The following TBL1X variants were observed in gnomAD, a reference collection of about 807,000 sequenced individuals.
TBL1X encodes F-box-like/WD repeat-containing protein TBL1X.
A neutral mutation model predicts 50.7 loss-of-function variants in TBL1X; 10 were observed. The observed-to-expected ratio is 0.20, with a 90% CI of 0.12 to 0.33. The LOEUF (loss-of-function observed/expected upper bound fraction) is 0.33, where lower values mean the gene tolerates loss of function less well. Ranked by LOEUF, TBL1X falls within the 10% of genes least tolerant of loss-of-function variation. The pLI is 1.00. For synonymous variants in TBL1X, 190 were observed against 214.7 expected, an observed-to-expected ratio of 0.88 and a Z score of 1.01; for missense variants, 340 against 504.4, an observed-to-expected ratio of 0.67 and a Z score of 3.12.
chrX:9,605,145 C>A (rs1313276549), intron 2 of TBL1X, among the ~76,000 whole-genome samples: 1 of 110,198 alleles, frequency 9.1e-6, no homozygotes, highest in Non-Finnish European at 1.9e-5. Context: ...GGTGACATGA[C>A]ACAGGGCCAC....
chrX:9,715,290 A>G (rs1238491402), intron 17 of TBL1X, among the ~76,000 whole-genome samples: 1 of 112,402 alleles, frequency 8.9e-6, no homozygotes, highest in Admixed American at 9.4e-5. Flanking sequence ...GAGCCATTTT[A>G]GGTTGTCACT....
intron 2 of TBL1X, among the ~76,000 whole-genome samples, chrX:9,512,116 C>T (rs2082058950): frequency 1.8e-5 from 2 of 111,554 alleles, no homozygotes; most frequent in Non-Finnish European, 3.8e-5. Flanking sequence ...GCCTCAGCCT[C>T]CCAAAGTGTT....
chrX:9,611,170 G>T (rs1421254459), intron 2 of TBL1X, among the ~76,000 whole-genome samples: 1 of 111,946 alleles, frequency 8.9e-6, no homozygotes, highest in Admixed American at 9.4e-5. Context: ...CTTTCAGAAG[G>T]TGGCTCCAGG....
intron 5 of TBL1X, among the ~76,000 whole-genome samples, chrX:9,664,514 T>A (rs1179392362): frequency 1.8e-5 from 2 of 110,605 alleles, no homozygotes; most frequent in African/African-American, 6.6e-5. Context: ...GGACATTGCT[T>A]GAATGTTTGC....
At chrX:9,606,134 G>A (rs904577824) in intron 2 of TBL1X, among the ~76,000 whole-genome samples, 19 of 111,542 alleles carry the variant, frequency 1.7e-4, no homozygotes, top group Non-Finnish European at 2.1e-4. Context: ...GCTCCCTTAG[G>A]GTGTGGCTGC....
intron 3 of TBL1X, among the ~76,000 whole-genome samples, chrX:9,643,646 G>A (rs2082787623): frequency 9.0e-6 from 1 of 111,633 alleles, no homozygotes; most frequent in African/African-American, 3.3e-5. Flanking sequence ...GAGGCCGGAA[G>A]TTTGAGACCA....
intron 2 of TBL1X, among the ~76,000 whole-genome samples, chrX:9,535,828 G>A (rs1174686714): frequency 8.9e-6 from 1 of 112,186 alleles, no homozygotes. Context: ...TGCATACGAG[G>A]AACAGAGTGA....
In TBL1X at chrX:9,709,750, A is replaced by T. The variant is rs762201515; in HGVS notation, c.1429A>T (p.Met477Leu). The change falls in exon 15 of 18, where the codon ATG becomes TTG. Residue 477 changes from methionine (M) to leucine (L), a missense_variant. Met to Leu is a conservative substitution (Grantham distance 15). Coordinates refer to ENST00000645353, the MANE Select transcript of TBL1X (RefSeq NM_005647.4). Reference protein sequence around the residue: ...PATSNPNSNIMLASASFDSTV... With the variant: ...PATSNPNSNILLASASFDSTV... ...CACCAGCAACCCAAACTCCAACATC[A>T]TGTTGGCAAGGTAAGGGCAGGCAAC... is the stretch of plus-strand genomic sequence containing the variant. 17 of 1,209,235 alleles carry T rather than the reference A, an allele frequency of 1.4e-5. No homozygotes were observed. The highest frequency in any genetic ancestry group is 1.2e-5 in the Non-Finnish European group (11 of 894,139).
chrX:9,520,101 A>T (rs1389178497), intron 2 of TBL1X, among the ~76,000 whole-genome samples: 3 of 111,653 alleles, frequency 2.7e-5, no homozygotes, highest in Non-Finnish European at 5.6e-5. Context: ...TCGTCATTGA[A>T]CGATTTCATC....
chrX:9,634,817 C>T (rs2082737913), intron 2 of TBL1X, among the ~76,000 whole-genome samples: 1 of 111,734 alleles, frequency 8.9e-6, no homozygotes, highest in Admixed American at 9.5e-5. Flanking sequence ...AAACTCCAGT[C>T]GATTGGCTTC....
At chrX:9,620,898 C>T (rs1398448505) in intron 2 of TBL1X, among the ~76,000 whole-genome samples, 2 of 112,089 alleles carry the variant, frequency 1.8e-5, no homozygotes, top group African/African-American at 6.5e-5. Context: ...CCTCACCTTC[C>T]ACTAGCATAG....
intron 2 of TBL1X, among the ~76,000 whole-genome samples, chrX:9,524,421 A>G (rs1180169662): frequency 9.0e-6 from 1 of 111,389 alleles, no homozygotes; most frequent in Non-Finnish European, 1.9e-5. Context: ...CACCCACCCA[A>G]CTTTCTGTTT....
At chrX:9,518,068 C>A (rs1306752837) in intron 2 of TBL1X, among the ~76,000 whole-genome samples, 1 of 102,431 alleles carries the variant, frequency 9.8e-6, no homozygotes, top group Non-Finnish European at 2.0e-5. Context: ...CAATGCACTC[C>A]AGCCTGGGCA....
intron 1 of TBL1X, among the ~76,000 whole-genome samples, chrX:9,470,101 T>A (rs1474485445): frequency 1.8e-5 from 2 of 112,360 alleles, no homozygotes. Context: ...CTTTTTAAAA[T>A]TTTTTAAAAA....
At chrX:9,657,881 A>G (rs980814440) in intron 5 of TBL1X, among the ~76,000 whole-genome samples, 9 of 112,443 alleles carry the variant, frequency 8.0e-5, no homozygotes, top group Admixed American at 1.9e-4. Context: ...GCATGAGTTC[A>G]GCAGTCTGGC....
At chrX:9,500,464 C>T (rs1252397046) in intron 1 of TBL1X, among the ~76,000 whole-genome samples, 2 of 109,838 alleles carry the variant, frequency 1.8e-5, no homozygotes, top group Admixed American at 9.7e-5. Flanking sequence ...GATGTGGTGG[C>T]GGGTTCCTGT....
At chrX:9,667,610 G>A (rs1294178745) in intron 5 of TBL1X, among the ~76,000 whole-genome samples, 2 of 112,079 alleles carry the variant, frequency 1.8e-5, no homozygotes, top group African/African-American at 6.5e-5. Context: ...CAAATGCAAA[G>A]GTGAAATTTT....
intron 2 of TBL1X, among the ~76,000 whole-genome samples, chrX:9,590,383 A>G (rs927457580): frequency 7.7e-5 from 7 of 91,296 alleles, no homozygotes; most frequent in Non-Finnish European, 1.3e-4. Flanking sequence ...TAAAAAAGTC[A>G]GATGAAAACA....
chrX:9,482,132 A>G (rs1569202974), intron 1 of TBL1X, among the ~76,000 whole-genome samples: 1 of 63,088 alleles, frequency 1.6e-5, no homozygotes, highest in African/African-American at 6.1e-5. Flanking sequence ...TCTGGACTAC[A>G]AGTCCCAAAC....
Sources: gnomAD v4.1 joint callset for allele counts (sites outside exome capture counted in the v4.1 genomes callset) on GRCh38, gnomAD v4.1.1 for gene constraint, MANE v1.5 for transcripts, NCBI Gene and HGNC (gene_info 2026-07-23, HGNC 2026-07-21) for gene names.